SEM1: variants seen among roughly 807,000 people sequenced by gnomAD.
SEM1 encodes 26S proteasome complex subunit SEM1.
A neutral mutation model predicts 12.7 loss-of-function variants in SEM1; 3 were observed. The observed-to-expected ratio is 0.24, with a 90% CI of 0.11 to 0.61. The LOEUF (loss-of-function observed/expected upper bound fraction) is 0.61. Among genes scored for constraint, SEM1 ranks in the 20% least tolerant of loss-of-function variants. SEM1 has a pLI of 0.88. For synonymous variants in SEM1, 30 were observed against 27.8 expected (o/e 1.08, Z -0.25); for missense variants, 59 against 81.3 (o/e 0.73, Z 1.06).
intron 2 of SEM1, among the ~76,000 whole-genome samples, chr7:96,581,366 G>T (rs375400495): frequency 2.6e-5 from 4 of 152,000 alleles, no homozygotes; most frequent in Non-Finnish European, 5.9e-5. Context: ...CTGTTTTGGT[G>T]ACTGTAGCCT....
In SEM1 at chr7:96,584,336, T is replaced by C. The variant is rs548266338; in HGVS notation, c.171-77638A>G. 3.9e-5 allele frequency among the ~76,000 whole-genome samples: 6 copies of C among 152,282 alleles called. No homozygotes were observed. In the South Asian group the frequency reaches 8.3e-4, roughly 21 times the overall value. ...CCTGTAAAGTTTCTGTCGAGAGATCTGCTGTTAGTCTGATGGGCTTCCCTT... is the reference window on the plus strand; with the variant it reads ...CCTGTAAAGTTTCTGTCGAGAGATCCGCTGTTAGTCTGATGGGCTTCCCTT... On this transcript the variant is annotated intron_variant and NMD_transcript_variant, in intron 2 of 3. Coordinates refer to the SEM1 transcript ENST00000466986.
At chr7:96,642,093 C>G (rs1303989676) in intron 2 of SEM1, among the ~76,000 whole-genome samples, 2 of 152,048 alleles carry the variant, frequency 1.3e-5, no homozygotes, top group African/African-American at 4.8e-5. Context: ...ATTCAGTCCA[C>G]TGGTCACATT....
At chr7:96,563,002 GT>G (rs1805736964) in intron 2 of SEM1, among the ~76,000 whole-genome samples, 1 of 152,146 alleles carries the variant, frequency 6.6e-6, no homozygotes, top group South Asian at 2.1e-4. Flanking sequence ...TGAGTAAAAT[GT>G]TTTGATTTAA....
downstream of SEM1, among the ~76,000 whole-genome samples, chr7:96,686,838 A>G (rs1307750431): frequency 6.6e-6 from 1 of 152,194 alleles, no homozygotes; most frequent in African/African-American, 2.4e-5. Flanking sequence ...AACTACCATC[A>G]CAGTGAACAG....
At chr7:96,647,825 C>T (rs955320650) in intron 2 of SEM1, among the ~76,000 whole-genome samples, 1 of 152,158 alleles carries the variant, frequency 6.6e-6, no homozygotes, top group Admixed American at 6.5e-5. Flanking sequence ...AGGAAGCTCA[C>T]GTTCTGCTAC....
downstream of SEM1, among the ~76,000 whole-genome samples, chr7:96,669,388 G>T (rs933139417): frequency 2.6e-5 from 4 of 152,132 alleles, no homozygotes; most frequent in African/African-American, 7.2e-5. Flanking sequence ...AATGAGTGTG[G>T]TTATGTTCCA....
chr7:96,516,035 A>C (rs1247677831), intron 2 of SEM1, among the ~76,000 whole-genome samples: 2 of 152,058 alleles, frequency 1.3e-5, no homozygotes, highest in Non-Finnish European at 2.9e-5. Flanking sequence ...TAATACAAAA[A>C]TCTTTTTCTT....
intron 2 of SEM1, among the ~76,000 whole-genome samples, chr7:96,538,527 TC>T (rs1330090929): frequency 6.6e-6 from 1 of 151,846 alleles, no homozygotes. Context: ...CTTTGTTTTT[TC>T]CCCATTTGAC....
chr7:96,586,763 A>C (rs1806650946), intron 2 of SEM1, among the ~76,000 whole-genome samples: 1 of 152,210 alleles, frequency 6.6e-6, no homozygotes, highest in Non-Finnish European at 1.5e-5. Flanking sequence ...GATACCTCCC[A>C]AAAACTAATG....
chr7:96,512,035 T>A (rs1254460233), intron 2 of SEM1, among the ~76,000 whole-genome samples: 1 of 152,104 alleles, frequency 6.6e-6, no homozygotes, highest in Non-Finnish European at 1.5e-5. Context: ...ACATCTTAAT[T>A]AGCCAGACTT....
downstream of SEM1, among the ~76,000 whole-genome samples, chr7:96,684,445 G>T (rs1789703617): frequency 6.6e-6 from 1 of 151,840 alleles, no homozygotes; most frequent in Admixed American, 6.6e-5. Context: ...CCATGTGAAA[G>T]AAAGATGGAT....
chr7:96,570,963 C>CTT (rs200108908), intron 2 of SEM1, among the ~76,000 whole-genome samples: 32 of 143,520 alleles, frequency 2.2e-4, no homozygotes, highest in Admixed American at 3.5e-4. Context: ...TGATGATGAG[C>CTT]TTTTTTTTTT....
chr7:96,608,441 C>G (rs958281074), intron 2 of SEM1, among the ~76,000 whole-genome samples: 3 of 152,132 alleles, frequency 2.0e-5, no homozygotes, highest in African/African-American at 7.2e-5. Context: ...AATTTATATA[C>G]CATAATTCAC....
At chr7:96,513,025 A>ATCATATTTGGAAACAGGATCTTTGC (rs1803980312) in intron 2 of SEM1, among the ~76,000 whole-genome samples, 1 of 152,090 alleles carries the variant, frequency 6.6e-6, no homozygotes, top group Non-Finnish European at 1.5e-5. Context: ...TGTGAATTCG[A>ATCATATTTGGAAACAGGATCTTTGC]TCATATTTGG....
chr7:96,592,741 G>T (rs1806866986), intron 2 of SEM1, among the ~76,000 whole-genome samples: 1 of 151,912 alleles, frequency 6.6e-6, no homozygotes, highest in African/African-American at 2.4e-5. Context: ...AGGGTTTCAA[G>T]CTCCTCTGAG....
At chr7:96,684,280 C>A (rs1453305810), downstream of SEM1, among the ~76,000 whole-genome samples, 1 of 152,070 alleles carries the variant, frequency 6.6e-6, no homozygotes, top group East Asian at 1.9e-4. Context: ...TCTAGCCCCA[C>A]TTTTGATTCA....
At chr7:96,568,086 C>T (rs1370426144) in intron 2 of SEM1, among the ~76,000 whole-genome samples, 2 of 151,664 alleles carry the variant, frequency 1.3e-5, no homozygotes, top group East Asian at 1.9e-4. Flanking sequence ...CTGAACATTG[C>T]GTTGACATTT....
intron 2 of SEM1, among the ~76,000 whole-genome samples, chr7:96,546,821 T>C (rs542800700): frequency 6.6e-6 from 1 of 152,128 alleles, no homozygotes; most frequent in Non-Finnish European, 1.5e-5. Flanking sequence ...AAGGATAAAC[T>C]GTCATGCTTC....
chr7:96,578,575 T>C (rs1469356093), intron 2 of SEM1, among the ~76,000 whole-genome samples: 2 of 152,162 alleles, frequency 1.3e-5, no homozygotes, highest in East Asian at 3.9e-4. Flanking sequence ...AAGAGAAGAA[T>C]GTCAAAGCAA....
Sources: allele counts gnomAD v4.1 joint callset (sites outside exome capture counted in the v4.1 genomes callset), GRCh38; gene constraint gnomAD v4.1.1; transcripts MANE v1.5; gene names NCBI Gene and HGNC (gene_info 2026-07-23, HGNC 2026-07-21).